The following NEK10 variants were observed in gnomAD, a reference collection of about 807,000 sequenced individuals.
NEK10 encodes NIMA related kinase 10.
Under a neutral mutation model 159.8 loss-of-function variants are expected in NEK10, and 122 were observed. That is an observed-to-expected ratio of 0.76 (90% CI 0.66 to 0.89). NEK10 has a LOEUF of 0.89. NEK10 is among the 40% of genes least tolerant of loss of function. NEK10 has a pLI of 0.00. For missense variants in NEK10, 1,342 were observed against 1,323.1 expected, an observed-to-expected ratio of 1.01 and a Z score of -0.22; for synonymous variants, 466 against 457.1, an observed-to-expected ratio of 1.02 and a Z score of -0.25.
intron 5 of NEK10, among the ~76,000 whole-genome samples, chr3:27,335,339 CAAA>C (rs3036447): frequency 3.1e-5 from 3 of 98,358 alleles, no homozygotes; most frequent in Admixed American, 2.3e-4. Context: ...AACTCTGTCT[CAAA>C]AAAAAAAAAA....
At chr3:27,124,559 C>T (rs895141846) in intron 32 of NEK10, among the ~76,000 whole-genome samples, 1 of 152,140 alleles carries the variant, frequency 6.6e-6, no homozygotes, top group African/African-American at 2.4e-5. Flanking sequence ...TATTAAGTGG[C>T]AGAACCAGGG....
intron 22 of NEK10, among the ~76,000 whole-genome samples, chr3:27,257,814 A>T (rs1244426756): frequency 7.7e-6 from 1 of 129,904 alleles, no homozygotes. Context: ...TTTGAGACGG[A>T]GTCTCACTCT....
intron 32 of NEK10, among the ~76,000 whole-genome samples, chr3:27,126,294 G>T (rs552720606): frequency 6.6e-6 from 1 of 152,108 alleles, no homozygotes; most frequent in Non-Finnish European, 1.5e-5. Context: ...AAGCAATCTG[G>T]GTAATAACAC....
chr3:27,245,032 G>A (rs1255573186), intron 23 of NEK10, among the ~76,000 whole-genome samples: 35 of 152,102 alleles, frequency 2.3e-4, no homozygotes, highest in Admixed American at 2.3e-3. Context: ...GTACCATGTA[G>A]TTTTCTTACA....
intron 30 of NEK10, among the ~76,000 whole-genome samples, chr3:27,150,322 A>G (rs1173599468): frequency 1.3e-5 from 2 of 152,234 alleles, no homozygotes; most frequent in Admixed American, 6.5e-5. Context: ...AGTAGAGGCC[A>G]TCTAGGACTT....
intron 23 of NEK10, among the ~76,000 whole-genome samples, chr3:27,243,788 G>A (rs1954787876): frequency 6.6e-6 from 1 of 151,694 alleles, no homozygotes. Context: ...GCATCATAGG[G>A]TTTTCTAACC....
chr3:27,285,026 C>T (rs1456207806), intron 20 of NEK10, 65 bp from the exon 21 acceptor site: 21 of 1,283,742 alleles, frequency 1.6e-5, no homozygotes, highest in Middle Eastern at 2.2e-4. Context: ...AAAAACTTTA[C>T]GAATGAGAGT....
At chr3:27,192,315 G>T in intron 25 of NEK10, 73 bp from the exon 26 acceptor site, 1 of 1,074,956 alleles carries the variant, frequency 9.3e-7, no homozygotes, top group Non-Finnish European at 1.4e-6. Flanking sequence ...AAGGGTCAAG[G>T]TTAAACTCCA....
chr3:27,231,463 C>T (rs918786793), intron 23 of NEK10, among the ~76,000 whole-genome samples: 1 of 151,532 alleles, frequency 6.6e-6, no homozygotes, highest in South Asian at 2.1e-4. Context: ...ACAAATTAAA[C>T]CCAAACCCAG....
At chr3:27,225,405 A>G (rs934211095) in intron 23 of NEK10, among the ~76,000 whole-genome samples, 1 of 152,250 alleles carries the variant, frequency 6.6e-6, no homozygotes, top group Non-Finnish European at 1.5e-5. Flanking sequence ...AGTATTAACC[A>G]TCACACCCAC....
At chr3:27,233,523 T>C (rs988961280) in intron 23 of NEK10, among the ~76,000 whole-genome samples, 2 of 152,064 alleles carry the variant, frequency 1.3e-5, no homozygotes, top group Admixed American at 6.6e-5. Flanking sequence ...AAAGTAGAAC[T>C]ACCATTTGAT....
chr3:27,332,314 A>G (rs1294855103), intron 5 of NEK10, among the ~76,000 whole-genome samples: 1 of 152,244 alleles, frequency 6.6e-6, no homozygotes, highest in Non-Finnish European at 1.5e-5. Flanking sequence ...CTGAAAAAAT[A>G]TTCATATAAC....
At chr3:27,275,714 C>A (rs2041718344) in intron 22 of NEK10, among the ~76,000 whole-genome samples, 1 of 152,098 alleles carries the variant, frequency 6.6e-6, no homozygotes, top group African/African-American at 2.4e-5. Context: ...CTTTGAGTTC[C>A]CTATCAGAAA....
chr3:27,268,761 G>A (rs867398887), intron 22 of NEK10, among the ~76,000 whole-genome samples: 13 of 152,130 alleles, frequency 8.5e-5, no homozygotes, highest in Admixed American at 8.5e-4. Context: ...ATAGATCAAG[G>A]AGTCATTTCT....
chr3:27,329,481 T>C (rs540169027), intron 5 of NEK10, among the ~76,000 whole-genome samples: 1 of 152,296 alleles, frequency 6.6e-6, no homozygotes, highest in East Asian at 1.9e-4. Context: ...GTCAGTTACT[T>C]CCTGGCTCTC....
intron 20 of NEK10, 151 bp downstream of exon 20, chr3:27,287,547 A>G (rs1575598010): frequency 1.4e-6 from 1 of 714,302 alleles, no homozygotes; most frequent in East Asian, 3.6e-5. Context: ...TCACTAGTCA[A>G]GAAAGTGATG....
At position 27,278,737 on chromosome 3, in the gene NEK10, T is replaced by C. The variant is rs180924517; in HGVS notation, c.2014+5865A>G. 33 of 985,136 alleles carry C rather than the reference T, an allele frequency of 3.3e-5. No homozygotes were observed. In the Admixed American group the frequency reaches 1.8e-3, roughly 53 times the overall value. The allele number at this position is 985,136 out of a possible 1,614,324, so 61.0% of individuals were successfully genotyped here. ...GGCAAGCGGACATGGAAGGTTTACA[T>C]TAAAATAAGGGTTTTTGAAAAGGTC... On this transcript the variant is annotated intron_variant, in intron 22 of 35. Transcript: ENST00000691995.
chr3:27,287,734 G>C lies in NEK10; in HGVS notation c.1753C>G (p.Pro585Ala). The C allele has an allele frequency of 2.6e-6, 4 of 1,560,732 alleles. No individual in the cohort carries two copies. Among genetic ancestry groups the C allele is most frequent in the Non-Finnish European group, 3.4e-6 (4 of 1,159,874 alleles). Residue 585 changes from proline (P) to alanine (A), a missense_variant, in exon 20 of 36, where the codon CCC (proline) becomes GCC (alanine). Pro to Ala is a conservative substitution (Grantham distance 27, BLOSUM62 -1). Coordinates refer to ENST00000691995, the MANE Select transcript of NEK10 (RefSeq NM_001394966.1). ...GTTTTGTAATAACGTACAATGTTGG[G>C]ATGATAAAGCTATAAGAAAATAAAT... is the stretch of plus-strand genomic sequence containing the variant. ...LTIIKEQLYH[P>A]NIVRYYKTFL...
chr3:27,361,942 T>C (rs772972108), intron 1 of NEK10, among the ~76,000 whole-genome samples: 32 of 151,956 alleles, frequency 2.1e-4, no homozygotes, highest in Non-Finnish European at 3.8e-4. Flanking sequence ...TGGGAAATCA[T>C]AAATATGTAG....
Sources: allele counts gnomAD v4.1 joint callset (sites outside exome capture counted in the v4.1 genomes callset), GRCh38; gene constraint gnomAD v4.1.1; transcripts MANE v1.5; gene names NCBI Gene and HGNC (gene_info 2026-07-23, HGNC 2026-07-21).